Variants in TAFA1 observed in about 807,000 individuals in gnomAD.
TAFA1 encodes chemokine-like protein TAFA-1.
Under a neutral mutation model 18.5 loss-of-function variants are expected in TAFA1, and 4 were observed. The ratio of observed to expected loss-of-function variants is 0.22; its 90% confidence interval spans 0.11 to 0.49. The LOEUF (loss-of-function observed/expected upper bound fraction) is 0.49, where lower values mean the gene tolerates loss of function less well. Ranked by LOEUF, TAFA1 falls within the 20% of genes least tolerant of loss-of-function variation. The pLI, the probability that TAFA1 is intolerant of heterozygous loss-of-function variation, is 0.98. For missense variants in TAFA1, 147 were observed against 169.0 expected (o/e 0.87, Z 0.72); for synonymous variants, 56 against 55.2 (o/e 1.01, Z -0.06).
At chr3:68,453,614 A>G (rs528737035) in intron 3 of TAFA1, among the ~76,000 whole-genome samples, 12 of 152,362 alleles carry the variant, frequency 7.9e-5, no homozygotes, top group African/African-American at 2.9e-4. Context: ...GAGAAAATGT[A>G]CAGCTAGGCC....
chr3:68,386,630 A>G (rs529429392), intron 2 of TAFA1, among the ~76,000 whole-genome samples: 1 of 152,176 alleles, frequency 6.6e-6, no homozygotes, highest in East Asian at 1.9e-4. Flanking sequence ...CCTGGAGAGA[A>G]CTGTTTGCCT....
chr3:68,301,970 G>C (rs1018494545), intron 2 of TAFA1, among the ~76,000 whole-genome samples: 1 of 152,040 alleles, frequency 6.6e-6, no homozygotes, highest in African/African-American at 2.4e-5. Context: ...GATTTATTCA[G>C]CTTTTTAGTC....
intron 2 of TAFA1, among the ~76,000 whole-genome samples, chr3:68,124,260 ATT>A (rs2065438334): frequency 6.6e-6 from 1 of 152,094 alleles, no homozygotes; most frequent in Admixed American, 6.6e-5. Flanking sequence ...AGCTTCTTCT[ATT>A]TTCTTTCTGT....
intron 2 of TAFA1, among the ~76,000 whole-genome samples, chr3:68,370,521 C>CGT (rs2069684424): frequency 1.4e-5 from 1 of 73,870 alleles, no homozygotes; most frequent in Non-Finnish European, 2.6e-5. Flanking sequence ...TATATACCCA[C>CGT]ATATGTATTT....
At chr3:68,401,440 G>A (rs1024581671) in intron 2 of TAFA1, among the ~76,000 whole-genome samples, 5 of 152,120 alleles carry the variant, frequency 3.3e-5, no homozygotes, top group Admixed American at 3.3e-4. Flanking sequence ...CGCATTGACT[G>A]GCTAAAGTTC....
chr3:68,255,902 A>G (rs2067289751), intron 2 of TAFA1, among the ~76,000 whole-genome samples: 1 of 152,138 alleles, frequency 6.6e-6, no homozygotes, highest in South Asian at 2.1e-4. Flanking sequence ...TTTAATTAAC[A>G]GAAGAGAGGC....
At chr3:68,339,214 G>A (rs1365308082) in intron 2 of TAFA1, among the ~76,000 whole-genome samples, 1 of 152,182 alleles carries the variant, frequency 6.6e-6, no homozygotes, top group African/African-American at 2.4e-5. Flanking sequence ...TTCTTCTCAT[G>A]CTCACTGAAA....
At chr3:68,241,144 A>G (rs549930843) in intron 2 of TAFA1, among the ~76,000 whole-genome samples, 47 of 152,276 alleles carry the variant, frequency 3.1e-4, no homozygotes, top group African/African-American at 1.1e-3. Context: ...TGCGGTTATA[A>G]GAAAAAAATT....
intron 2 of TAFA1, among the ~76,000 whole-genome samples, chr3:68,253,484 A>C (rs978066575): frequency 1.3e-5 from 2 of 152,000 alleles, no homozygotes; most frequent in East Asian, 3.9e-4. Context: ...ATTGTTTCTC[A>C]CTTCTTTCTA....
chr3:68,230,520 A>G (rs895233535), intron 2 of TAFA1, among the ~76,000 whole-genome samples: 12 of 152,080 alleles, frequency 7.9e-5, no homozygotes, highest in African/African-American at 2.9e-4. Context: ...TCATTCATCT[A>G]TTGATGGGCA....
intron 2 of TAFA1, among the ~76,000 whole-genome samples, chr3:68,069,199 G>A (rs552379607): frequency 3.3e-5 from 5 of 152,298 alleles, no homozygotes; most frequent in South Asian, 2.1e-4. Context: ...AGACATACCC[G>A]AGACTGGGTA....
intron 2 of TAFA1, among the ~76,000 whole-genome samples, chr3:68,180,526 C>T (rs369515817): frequency 5.4e-4 from 82 of 152,224 alleles, no homozygotes; most frequent in African/African-American, 1.8e-3. Context: ...GATGATTTAT[C>T]GTAAATACTG....
chr3:68,067,969 A>C (rs2064703411), intron 2 of TAFA1, among the ~76,000 whole-genome samples: 1 of 152,172 alleles, frequency 6.6e-6, no homozygotes, highest in Admixed American at 6.6e-5. Flanking sequence ...AACAAAAACA[A>C]GACAAAAAAA....
chr3:68,468,916 T>C (rs2071939596), intron 3 of TAFA1, among the ~76,000 whole-genome samples: 1 of 152,230 alleles, frequency 6.6e-6, no homozygotes, highest in Non-Finnish European at 1.5e-5. Flanking sequence ...ACACCATTTT[T>C]AGTAAGACAT....
intron 2 of TAFA1, among the ~76,000 whole-genome samples, chr3:68,213,714 C>T (rs1228978534): frequency 2.6e-5 from 4 of 152,030 alleles, no homozygotes; most frequent in Admixed American, 2.6e-4. Flanking sequence ...AATCACATGC[C>T]ACATCTTTCT....
At chr3:68,280,350 G>A (rs976216984) in intron 2 of TAFA1, among the ~76,000 whole-genome samples, 2 of 152,102 alleles carry the variant, frequency 1.3e-5, no homozygotes, top group Admixed American at 6.6e-5. Context: ...ACCCTGGCTG[G>A]CAATCTCTCT....
intron 2 of TAFA1, among the ~76,000 whole-genome samples, chr3:68,105,064 C>A (rs2065189040): frequency 6.6e-6 from 1 of 151,912 alleles, no homozygotes; most frequent in Non-Finnish European, 1.5e-5. Flanking sequence ...AGAGCAGGAG[C>A]AAGAGAGAGC....
At chr3:68,169,813 G>T (rs2066030085) in intron 2 of TAFA1, among the ~76,000 whole-genome samples, 1 of 152,202 alleles carries the variant, frequency 6.6e-6, no homozygotes, top group Admixed American at 6.5e-5. Flanking sequence ...TGTAGCAAAT[G>T]TTTAAAAGAT....
intron 3 of TAFA1, among the ~76,000 whole-genome samples, chr3:68,467,278 G>T (rs1044869875): frequency 6.6e-6 from 1 of 152,130 alleles, no homozygotes; most frequent in Non-Finnish European, 1.5e-5. Context: ...TTAAGAAGAT[G>T]ATAGGATTAA....
Sources: gnomAD v4.1 joint callset for allele counts (sites outside exome capture counted in the v4.1 genomes callset) on GRCh38, gnomAD v4.1.1 for gene constraint, MANE v1.5 for transcripts, NCBI Gene and HGNC (gene_info 2026-07-23, HGNC 2026-07-21) for gene names.